PHKA1: variants seen among roughly 807,000 people sequenced by gnomAD.
PHKA1 encodes phosphorylase kinase regulatory subunit alpha 1, also known as phosphorylase b kinase regulatory subunit alpha, skeletal muscle isoform.
Under a neutral mutation model 110.2 loss-of-function variants are expected in PHKA1, and 60 were observed. The observed-to-expected ratio is 0.54, with a 90% CI of 0.44 to 0.68. The LOEUF (loss-of-function observed/expected upper bound fraction) is 0.68, where lower values mean the gene tolerates loss of function less well. PHKA1 is among the 30% of genes least tolerant of loss of function. The probability of loss-of-function intolerance (pLI) is 0.00; values close to 1 mark genes in which losing one functional copy is unlikely to be tolerated. For synonymous variants in PHKA1, 316 were observed against 333.6 expected (o/e 0.95, Z 0.58); for missense variants, 801 against 942.5 (o/e 0.85, Z 1.97).
At chrX:72,713,701 C>G (rs2054419562) in intron 1 of PHKA1, 102 bp downstream of exon 1, 1 of 609,929 alleles carries the variant, frequency 1.6e-6, no homozygotes, top group African/African-American at 2.4e-5. Context: ...CACACACACA[C>G]CCACACACGC....
chrX:72,632,963 T>C (rs1237420971), intron 16 of PHKA1, among the ~76,000 whole-genome samples: 1 of 112,224 alleles, frequency 8.9e-6, no homozygotes, highest in Non-Finnish European at 1.9e-5. Flanking sequence ...TGACCACATA[T>C]CAAGTACCAA....
intron 6 of PHKA1, among the ~76,000 whole-genome samples, chrX:72,672,513 C>A (rs782243488): frequency 1.6e-4 from 18 of 111,303 alleles, no homozygotes; most frequent in Non-Finnish European, 3.2e-4. Context: ...TCTTCCTTTT[C>A]TTATAAAGCC....
In PHKA1 at chrX:72,712,805, T is replaced by C. The variant is rs782617440; in HGVS notation, c.211A>G (p.Lys71Glu). 1.3e-5 allele frequency: 16 copies of C among 1,208,566 alleles called. No homozygotes were observed. Among genetic ancestry groups the C allele is most frequent in the Non-Finnish European group, 1.6e-5 (14 of 894,215 alleles). The change falls in exon 2 of 32, where the codon AAG (lysine) becomes GAG (glutamate). Residue 71 changes from lysine (K) to glutamate (E), a missense_variant. Physicochemically the swap from Lys to Glu is moderately conservative, Grantham distance 56. Coordinates refer to ENST00000373542, the MANE Select transcript of PHKA1 (RefSeq NM_002637.4). ...TGCTCCAATTCATAGGCCTTTGCCT[T>C]ATCCTCATCCCGGTCTGCATTCTTC... The part of the protein sequence containing the change: ...YRKNADRDED[K>E]AKAYELEQSV...
chrX:72,641,941 G>A (rs1254388999), intron 14 of PHKA1, among the ~76,000 whole-genome samples: 1 of 111,712 alleles, frequency 9.0e-6, no homozygotes, highest in African/African-American at 3.3e-5. Flanking sequence ...GCATTTATAA[G>A]ATTGTACTGT....
At chrX:72,680,948 C>G (rs1556314439) in intron 5 of PHKA1, among the ~76,000 whole-genome samples, 1 of 59,484 alleles carries the variant, frequency 1.7e-5, no homozygotes, top group African/African-American at 7.5e-5. Context: ...GGCTGCCACC[C>G]CGTCTGGGAA....
At chrX:72,620,648 T>C (rs1355696274) in intron 19 of PHKA1, 77 bp downstream of exon 19, 33 of 877,893 alleles carry the variant, frequency 3.8e-5, no homozygotes, top group Middle Eastern at 4.0e-4. Flanking sequence ...CCTGCTTACA[T>C]TGTAATCAAT....
intron 16 of PHKA1, among the ~76,000 whole-genome samples, chrX:72,627,719 C>A (rs1201679388): frequency 9.1e-6 from 1 of 110,100 alleles, no homozygotes; most frequent in Non-Finnish European, 1.9e-5. Flanking sequence ...GAAACACTTA[C>A]TAAGTAAATT....
At chrX:72,600,570 T>G (rs782538670) in intron 28 of PHKA1, among the ~76,000 whole-genome samples, 1 of 112,337 alleles carries the variant, frequency 8.9e-6, no homozygotes, top group Admixed American at 9.5e-5. Flanking sequence ...GGCCCTTTCT[T>G]ACTCCATTTT....
intron 8 of PHKA1, among the ~76,000 whole-genome samples, chrX:72,661,500 T>C (rs782598571): frequency 2.7e-5 from 3 of 110,968 alleles, no homozygotes; most frequent in Non-Finnish European, 3.8e-5. Flanking sequence ...TGTAATTTTA[T>C]ATTTCTGCAT....
At chrX:72,605,816 G>A (rs1383879745) in intron 23 of PHKA1, among the ~76,000 whole-genome samples, 197 bp from the exon 24 acceptor site, 1 of 111,972 alleles carries the variant, frequency 8.9e-6, no homozygotes, top group Non-Finnish European at 1.9e-5. Flanking sequence ...TCAACTTAGA[G>A]GAGCTCTGCT....
rs2054426537 is a variant in PHKA1, at chrX:72,714,020, G to A, written c.-140C>T. The A allele has an allele frequency of 1.9e-5, 10 of 536,319 alleles. No homozygotes were observed. The highest frequency in any genetic ancestry group is 1.5e-4 in the East Asian group (4 of 27,313). 44.2% of individuals were successfully genotyped at this position (536,319 alleles called of 1,213,427 possible). A position where few individuals can be genotyped will look rare whatever the true frequency, so the allele number is the denominator to read the frequency against. On this transcript the variant is annotated 5_prime_UTR_variant, in exon 1 of 32. Coordinates refer to ENST00000373542, the MANE Select transcript of PHKA1 (RefSeq NM_002637.4). ...CCAGGCCCCGCAGAGCCCTCCCACC[G>A]CTCAGGCCTGGCGCCGCGGATTCCG...
intron 29 of PHKA1, among the ~76,000 whole-genome samples, chrX:72,591,487 C>G (rs1198631317): frequency 2.7e-5 from 3 of 110,699 alleles, no homozygotes; most frequent in African/African-American, 9.9e-5. Flanking sequence ...GTGCAGTGGG[C>G]CAGCATGGCA....
At chrX:72,713,674 A>T (rs2054417077) in intron 1 of PHKA1, 129 bp downstream of exon 1, 1 of 477,854 alleles carries the variant, frequency 2.1e-6, no homozygotes, top group East Asian at 4.9e-5. Context: ...TCTCCGTCAC[A>T]CACACACACA....
chrX:72,658,458 C>CAAA (rs34964050), intron 8 of PHKA1, among the ~76,000 whole-genome samples: 1 of 40,434 alleles, frequency 2.5e-5, no homozygotes, highest in Admixed American at 2.4e-4. Context: ...GACTTTGTTT[C>CAAA]AAAAAAAAAA....
intron 5 of PHKA1, among the ~76,000 whole-genome samples, chrX:72,679,934 C>G (rs781930730): frequency 9.0e-6 from 1 of 110,926 alleles, no homozygotes; most frequent in African/African-American, 3.3e-5. Context: ...GCTAAATGGA[C>G]CCTAAATAGA....
chrX:72,691,700 A>G (rs1417131399), intron 4 of PHKA1, among the ~76,000 whole-genome samples: 1 of 112,115 alleles, frequency 8.9e-6, no homozygotes, highest in African/African-American at 3.2e-5. Context: ...TAGAAACATA[A>G]CTCATTTTTG....
chrX:72,593,466 C>T (rs1408229623), intron 28 of PHKA1, 192 bp from the exon 29 acceptor site: 10 of 390,761 alleles, frequency 2.6e-5, no homozygotes, highest in South Asian at 1.1e-4. Context: ...CTCAGCCTCC[C>T]GAGTAGCTAG....
chrX:72,653,283 A>C (rs1556299784), intron 11 of PHKA1, 152 bp downstream of exon 11: 1 of 467,986 alleles, frequency 2.1e-6, no homozygotes, highest in Non-Finnish European at 3.8e-6. Flanking sequence ...TTTTTGAAGA[A>C]ATAAAATCAT....
In PHKA1 at chrX:72,609,717, G is replaced by C; in HGVS notation, c.2527-14C>G. 4.4e-6 allele frequency: 5 copies of C among 1,136,549 alleles called. No homozygotes were observed. The South Asian group carries it at 9.0e-5, about 21-fold the overall frequency. The allele number at this position is 1,136,549 out of a possible 1,213,427, so 93.7% of individuals were successfully genotyped here. Reference sequence around the variant, plus strand: ...GTCTGTGCAGGCCTAACAAGAGATAGCATAATATTATCGTTTCTGTAACAC... The same window carrying C: ...GTCTGTGCAGGCCTAACAAGAGATACCATAATATTATCGTTTCTGTAACAC... On this transcript the variant is annotated splice_polypyrimidine_tract_variant and intron_variant, in intron 22 of 31. Transcript: ENST00000373542.
Sources: allele counts gnomAD v4.1 joint callset (sites outside exome capture counted in the v4.1 genomes callset), GRCh38; gene constraint gnomAD v4.1.1; transcripts MANE v1.5; gene names NCBI Gene and HGNC (gene_info 2026-07-23, HGNC 2026-07-21).